The following TTC3 variants were observed in gnomAD, a reference collection of about 807,000 sequenced individuals.
The protein encoded by TTC3 is E3 ubiquitin-protein ligase TTC3.
A neutral mutation model predicts 249.6 loss-of-function variants in TTC3; 180 were observed. The ratio of observed to expected loss-of-function variants is 0.72; its 90% CI spans 0.64 to 0.82. The LOEUF is 0.82. Ranked by LOEUF, TTC3 falls within the 40% of genes least tolerant of loss-of-function variation. The pLI is 0.00. For synonymous variants in TTC3, 717 were observed against 805.0 expected, an observed-to-expected ratio of 0.89 and a Z score of 1.85; for missense variants, 2,061 against 2,398.4, an observed-to-expected ratio of 0.86 and a Z score of 2.94.
intron 35 of TTC3, among the ~76,000 whole-genome samples, chr21:37,180,123 T>G (rs2082622587): frequency 6.6e-6 from 1 of 152,238 alleles, no homozygotes; most frequent in African/African-American, 2.4e-5. Context: ...CTTGAGGCCC[T>G]TCTGTCTGCC....
Position 37,087,402 on chromosome 21 carries a change from G to T in TTC3, c.144+1G>T, listed in dbSNP as rs765302589. On this transcript the variant is annotated splice_donor_variant, in intron 2 of 45. Coordinates refer to ENST00000355666, the Ensembl canonical transcript of TTC3. LOFTEE classifies it high-confidence loss of function. ...GACTCAGCTTTACTGTGATGGGGTG[G>T]TAAGTAGGTTTGCTAATTTTTCATT... 3 of 1,613,144 alleles carry T rather than the reference G, an allele frequency of 1.9e-6. No homozygotes were observed. The highest frequency in any genetic ancestry group is 8.5e-7 in the Non-Finnish European group (1 of 1,179,636).
chr21:37,105,585 A>G (rs1230071467), intron 10 of TTC3, among the ~76,000 whole-genome samples: 1 of 152,224 alleles, frequency 6.6e-6, no homozygotes, highest in Non-Finnish European at 1.5e-5. Flanking sequence ...TCAGAAGTCA[A>G]ACAACTGTAA....
rs773160877 is a variant in TTC3, at chr21:37,087,277, G to A, written c.20G>A (p.Gly7Glu). ...TGCACCATGGACAATTTTGCTGAGG[G>A]AGATTTCACTGTGGCGGATTATGCC... is the stretch of plus-strand genomic sequence containing the variant. The change falls in exon 2 of 46, where the codon GGA becomes GAA. Residue 7 changes from glycine to glutamate, a missense_variant. This residue lies in a region of TTC3 where 989 missense variants were observed against 1,145.1 expected (regional missense o/e 0.86). Coordinates refer to ENST00000355666, the Ensembl canonical transcript of TTC3. The A allele has an allele frequency of 6.2e-6, 10 of 1,614,056 alleles. No individual in the cohort carries two copies. The highest frequency in any genetic ancestry group is 4.5e-5 in the East Asian group (2 of 44,870).
intron 45 of TTC3, 151 bp from the exon 46 acceptor site, chr21:37,201,289 C>A: frequency 1.1e-6 from 1 of 935,188 alleles, no homozygotes; most frequent in Non-Finnish European, 1.7e-6. Flanking sequence ...CTGGCCTGAG[C>A]GGGTGTTGGT....
intron 1 of TTC3, among the ~76,000 whole-genome samples, chr21:37,080,777 C>G (rs2071530842): frequency 1.3e-5 from 2 of 151,754 alleles, no homozygotes; most frequent in Non-Finnish European, 2.9e-5. Context: ...GCTAATTTAC[C>G]TGGAATATTC....
At chr21:37,195,566 C>T (rs1195006970) in intron 41 of TTC3, 109 bp from the exon 42 acceptor site, 9 of 1,439,670 alleles carry the variant, frequency 6.3e-6, no homozygotes, top group African/African-American at 4.3e-5. Flanking sequence ...TTCCTGTGCA[C>T]GGAGCCTCTG....
At chr21:37,200,375 A>G in intron 45 of TTC3, 51 bp downstream of exon 45, 1 of 1,544,262 alleles carries the variant, frequency 6.5e-7, no homozygotes, top group East Asian at 2.3e-5. Flanking sequence ...ACCTTCAAAT[A>G]TTTTCAAAAT....
At chr21:37,170,663 T>G (rs1020514918) in intron 34 of TTC3, among the ~76,000 whole-genome samples, 6 of 152,214 alleles carry the variant, frequency 3.9e-5, no homozygotes, top group African/African-American at 1.4e-4. Flanking sequence ...TATGGAATGT[T>G]TGACAAGATC....
chr21:37,159,571 T>G, intron 28 of TTC3, 128 bp from the exon 29 acceptor site: 1 of 1,075,954 alleles, frequency 9.3e-7, no homozygotes, highest in Non-Finnish European at 1.3e-6. Context: ...TACACTTGTG[T>G]CAAAGCCAAA....
exon 2 of TTC3, chr21:37,087,274 A>G (rs1354135996): frequency 3.7e-6 from 6 of 1,614,030 alleles, no homozygotes; most frequent in Non-Finnish European, 5.1e-6. Context: ...AATTTTGCTG[A>G]GGGAGATTTC....
intron 1 of TTC3, among the ~76,000 whole-genome samples, chr21:37,079,034 T>C (rs7276917): frequency 0.46 from 69,296 of 152,084 alleles, 16,317 homozygotes; most frequent in Non-Finnish European, 0.52. Context: ...TGTCTTTTCT[T>C]CTTTAATCTG....
chr21:37,144,433 G>GTCCCAGTT, intron 20 of TTC3, 92 bp from the exon 21 acceptor site: 3 of 1,408,714 alleles, frequency 2.1e-6, no homozygotes, highest in Non-Finnish European at 2.9e-6. Flanking sequence ...AAATGTATTC[G>GTCCCAGTT]TCCCAGTAAG....
At chr21:37,138,712 G>A in exon 19 of TTC3, 3 of 1,603,734 alleles carry the variant, frequency 1.9e-6, no homozygotes, top group Non-Finnish European at 2.6e-6. Context: ...AGGACAGCCT[G>A]AGGTAAGATT....
chr21:37,146,518 C>CA (rs573434717), intron 21 of TTC3, among the ~76,000 whole-genome samples: 1,639 of 136,230 alleles, frequency 0.012, 12 homozygotes, highest in East Asian at 0.032. Context: ...GACGCTGTCT[C>CA]AAAAAAAAAA....
At chr21:37,169,744 A>T (rs1001042504) in intron 34 of TTC3, among the ~76,000 whole-genome samples, 4 of 151,494 alleles carry the variant, frequency 2.6e-5, no homozygotes, top group Non-Finnish European at 5.9e-5. Context: ...GCTACTTGGG[A>T]GGCTGAGGCA....
At chr21:37,184,744 C>T (rs953131482) in intron 36 of TTC3, among the ~76,000 whole-genome samples, 1 of 151,040 alleles carries the variant, frequency 6.6e-6, no homozygotes, top group South Asian at 2.1e-4. Context: ...GCTGGGATTA[C>T]AGGCATGAGC....
Position 37,136,062 on chromosome 21 carries a change from A to G in TTC3, c.1578+548A>G, listed in dbSNP as rs564997013. On this transcript the variant is annotated intron_variant, in intron 18 of 45. Transcript: ENST00000355666. The stretch of plus-strand genomic sequence containing the variant: ...ACTATTGTAATTATTTTGGGGCACT[A>G]CAATCTGTGCCTATGTAAGAAAGGG... Among the ~76,000 whole-genome samples the G allele has an allele frequency of 5.3e-5, 8 of 152,240 alleles. No individual in the cohort carries two copies. The South Asian group carries it at 1.5e-3, about 28-fold the overall frequency.
intron 34 of TTC3, 22 bp downstream of exon 34, chr21:37,167,642 C>G: frequency 6.3e-7 from 1 of 1,588,636 alleles, no homozygotes; most frequent in Non-Finnish European, 8.6e-7. Context: ...TTACATTAAA[C>G]TGTTTAAAGG....
rs573989097 is a variant in TTC3, at chr21:37,090,113, C to G, written c.427-120C>G. On this transcript the variant is annotated intron_variant, in intron 5 of 45. Coordinates refer to ENST00000355666, the Ensembl canonical transcript of TTC3. ...GTAACTTGGTCATGTAAATGCTTGT[C>G]GGAAGTGTACTACTGAGTACATATA... The G allele has an allele frequency of 1.0e-5, 6 of 602,792 alleles. No homozygotes were observed. In the South Asian group the frequency reaches 1.5e-4, roughly 15 times the overall value. 37.3% of individuals were successfully genotyped at this position (602,792 alleles called of 1,614,324 possible). A position where few individuals can be genotyped will look rare whatever the true frequency, so the allele number is the denominator to read the frequency against.
Sources: gnomAD v4.1 joint callset for allele counts (sites outside exome capture counted in the v4.1 genomes callset) on GRCh38, gnomAD v4.1.1 for gene constraint, gnomAD v4.1.1 regional missense constraint, MANE v1.5 for transcripts, NCBI Gene and HGNC (gene_info 2026-07-23, HGNC 2026-07-21) for gene names.